Variants in TCF7L2 observed in about 807,000 individuals in gnomAD.
TCF7L2 encodes the protein transcription factor 7-like 2.
TCF7L2 carries 23 observed loss-of-function variants against 77.9 expected under a neutral mutation model. The observed-to-expected ratio is 0.30, with a 90% CI of 0.21 to 0.42. The LOEUF is 0.42. TCF7L2 is among the 10% of genes least tolerant of loss of function. The pLI is 1.00. For synonymous variants in TCF7L2, 413 were observed against 340.2 expected (o/e 1.21, Z -2.36); for missense variants, 654 against 793.1 (o/e 0.82, Z 2.11).
chr10:112,977,789 G>C (rs2039701986), intron 4 of TCF7L2, among the ~76,000 whole-genome samples: 1 of 152,180 alleles, frequency 6.6e-6, no homozygotes, highest in Non-Finnish European at 1.5e-5. Context: ...AGGCCACTCG[G>C]GGGAGGCAGC....
At position 112,979,482 on chromosome 10, in the gene TCF7L2, TGCGGTG is replaced by T. The variant is rs1331580119; in HGVS notation, c.450+14861_450+14866del. 2.0e-5 allele frequency among the ~76,000 whole-genome samples: 3 copies of T among 152,222 alleles called. No individual in the cohort carries two copies. The East Asian group carries it at 5.8e-4, about 29-fold the overall frequency. The stretch of plus-strand genomic sequence containing the variant: ...AGTAAAAGAATGACAATAGACTGGG[TGCGGTG>T]GCTCATGCCTGTAATTCCAGCACTT... On this transcript the variant is annotated intron_variant, in intron 4 of 13. Coordinates refer to ENST00000627217, the MANE Select transcript of TCF7L2 (RefSeq NM_001146274.2).
At chr10:113,088,470 G>A (rs1417576530) in intron 5 of TCF7L2, among the ~76,000 whole-genome samples, 1 of 152,172 alleles carries the variant, frequency 6.6e-6, no homozygotes, top group Non-Finnish European at 1.5e-5. Context: ...CTCCTGTCCA[G>A]GGCCCCAGAC....
intron 4 of TCF7L2, among the ~76,000 whole-genome samples, chr10:112,989,982 C>T (rs1236047151): frequency 1.3e-5 from 2 of 152,236 alleles, no homozygotes; most frequent in East Asian, 1.9e-4. Flanking sequence ...AGCGCTTCTG[C>T]GAATGTGTTG....
chr10:113,127,866 C>CTTT (rs34638595), intron 5 of TCF7L2, among the ~76,000 whole-genome samples: 106 of 110,218 alleles, frequency 9.6e-4, no homozygotes, highest in South Asian at 1.7e-3. Context: ...TTGCTGCGTC[C>CTTT]TTTTTTTTTT....
At chr10:113,161,651 C>G in intron 13 of TCF7L2, 1 of 1,531,300 alleles carries the variant, frequency 6.5e-7, no homozygotes, top group Non-Finnish European at 8.8e-7. Flanking sequence ...GTAGTGCCTC[C>G]CTCGTCACGT....
At chr10:113,154,245 C>T (rs142599237) in intron 11 of TCF7L2, among the ~76,000 whole-genome samples, 1,554 of 152,324 alleles carry the variant, frequency 0.01, 20 homozygotes, top group Middle Eastern at 0.017. Context: ...GTGGAGATTT[C>T]CAGTAGCAGG....
chr10:113,146,362 G>C (rs1199149808), intron 8 of TCF7L2, among the ~76,000 whole-genome samples: 1 of 152,168 alleles, frequency 6.6e-6, no homozygotes, highest in Non-Finnish European at 1.5e-5. Context: ...GGAGAAACAG[G>C]ACAGAAGCTT....
intron 5 of TCF7L2, among the ~76,000 whole-genome samples, chr10:113,080,988 A>T (rs1183398556): frequency 3.9e-5 from 6 of 152,228 alleles, no homozygotes; most frequent in Non-Finnish European, 8.8e-5. Context: ...GGGGTGTTCC[A>T]GGAACCTGTT....
At chr10:112,993,040 G>A (rs1017885499) in intron 4 of TCF7L2, among the ~76,000 whole-genome samples, 2 of 151,996 alleles carry the variant, frequency 1.3e-5, no homozygotes, top group Non-Finnish European at 2.9e-5. Flanking sequence ...TGGGATCACA[G>A]GCGTGAGCCA....
intron 4 of TCF7L2, among the ~76,000 whole-genome samples, chr10:113,020,922 C>A (rs1261538879): frequency 6.6e-6 from 1 of 152,076 alleles, no homozygotes; most frequent in Non-Finnish European, 1.5e-5. Context: ...AACTGAAGGT[C>A]GGAGAGACTA....
rs529080654 is a variant in TCF7L2, at chr10:113,021,683, A to G, written c.451-18342A>G. ...GTAGTTGGTGGCCTGGGATTCAAAC[A>G]CCAGAATTGGTCTGACTTCCCACTC... is the stretch of plus-strand genomic sequence containing the variant. On this transcript the variant is annotated intron_variant, in intron 4 of 13. Transcript: ENST00000627217. Among the ~76,000 whole-genome samples, 10 of 152,368 alleles carry G rather than the reference A, an allele frequency of 6.6e-5. No homozygotes were observed. In the South Asian group the frequency reaches 2.1e-3, roughly 32 times the overall value.
intron 4 of TCF7L2, among the ~76,000 whole-genome samples, chr10:112,993,659 T>C (rs1277888011): frequency 2.0e-5 from 3 of 152,304 alleles, no homozygotes; most frequent in Non-Finnish European, 4.4e-5. Context: ...TAAAACACAG[T>C]GTTGGACGAT....
chr10:113,160,076 T>C (rs2072882764), intron 12 of TCF7L2, 84 bp downstream of exon 14: 11 of 1,246,752 alleles, frequency 8.8e-6, no homozygotes, highest in Non-Finnish European at 1.3e-5. Context: ...TGTTGCTTTG[T>C]AGCTCTGTGT....
chr10:112,961,629 A>C (rs1165395646), intron 3 of TCF7L2, among the ~76,000 whole-genome samples: 1 of 152,222 alleles, frequency 6.6e-6, no homozygotes, highest in Admixed American at 6.5e-5. Context: ...AGAGGGTGGA[A>C]ACCCAAAGGA....
intron 11 of TCF7L2, among the ~76,000 whole-genome samples, chr10:113,155,811 G>C (rs189348087): frequency 1.3e-5 from 2 of 152,212 alleles, no homozygotes; most frequent in East Asian, 1.9e-4. Context: ...TGCCCCTCAC[G>C]TGGGAGAGGC....
chr10:113,117,869 G>T (rs1406823320), intron 5 of TCF7L2, among the ~76,000 whole-genome samples: 1 of 152,192 alleles, frequency 6.6e-6, no homozygotes, highest in Non-Finnish European at 1.5e-5. Context: ...CCACAAGTCC[G>T]AGGCGGTTGT....
intron 5 of TCF7L2, among the ~76,000 whole-genome samples, chr10:113,076,628 C>T (rs1472759637): frequency 6.6e-6 from 1 of 152,088 alleles, no homozygotes; most frequent in African/African-American, 2.4e-5. Flanking sequence ...TCTATGGTTC[C>T]TTTATGACAT....
At position 113,128,085 on chromosome 10, in the gene TCF7L2, GGGAGA is replaced by G. The variant is rs1366535065; in HGVS notation, c.553-13097_553-13093del. 2.0e-5 allele frequency among the ~76,000 whole-genome samples: 3 copies of G among 152,056 alleles called. No individual in the cohort carries two copies. The East Asian group carries it at 5.8e-4, about 29-fold the overall frequency. On this transcript the variant is annotated intron_variant, in intron 5 of 13. Transcript: ENST00000627217. ...GAGTGTGGTGGTCCGCGTGAATAGA[GGGAGA>G]GAAGGCAATTAGGGGGCTGTGTGGT...
At chr10:113,033,449 G>C (rs1428460595) in intron 4 of TCF7L2, among the ~76,000 whole-genome samples, 4 of 151,762 alleles carry the variant, frequency 2.6e-5, no homozygotes, top group Admixed American at 2.6e-4. Flanking sequence ...GTAGAGATGG[G>C]GTCTCCTAGG....
Sources: gnomAD v4.1 joint callset for allele counts (sites outside exome capture counted in the v4.1 genomes callset) on GRCh38, gnomAD v4.1.1 for gene constraint, MANE v1.5 for transcripts, NCBI Gene and HGNC (gene_info 2026-07-23, HGNC 2026-07-21) for gene names.